Variants in NOS2 observed in about 807,000 individuals in gnomAD.
NOS2 encodes nitric oxide synthase, inducible.
NOS2 carries 96 observed loss-of-function variants against 136.0 expected under a neutral mutation model. The ratio of observed to expected loss-of-function variants is 0.71; its 90% CI spans 0.60 to 0.84. The LOEUF (loss-of-function observed/expected upper bound fraction) is 0.84, where lower values mean the gene tolerates loss of function less well. Among genes scored for constraint, NOS2 ranks in the 40% least tolerant of loss-of-function variants. The pLI is 0.00. For missense variants in NOS2, 1,237 were observed against 1,496.9 expected (o/e 0.83, Z 2.87); for synonymous variants, 539 against 587.5 (o/e 0.92, Z 1.20).
rs938218310 is a variant in NOS2, at chr17:27,758,922, A to C, written c.3313T>G (p.Leu1105Val). 1.9e-6 allele frequency: 3 copies of C among 1,610,832 alleles called. No individual in the cohort carries two copies. The highest frequency in any genetic ancestry group is 2.5e-6 in the Non-Finnish European group (3 of 1,178,600). The change falls in exon 26 of 27, where the codon TTG (leucine) becomes GTG (valine). Residue 1105 changes from leucine (L) to valine (V), a missense_variant. Physicochemically the swap from Leu to Val is conservative, Grantham distance 32. Coordinates refer to ENST00000313735, the MANE Select transcript of NOS2 (RefSeq NM_000625.4). ...TAGTCCTCGACCTGCTCCTCATTCA[A>C]TTTCAGCTTGGCAGCCACCAGCTGC... ...LKQLVAAKLK[L>V]NEEQVEDYFF...
At chr17:27,774,568 G>T in intron 11 of NOS2, 117 bp from the exon 12 acceptor site, 1 of 640,354 alleles carries the variant, frequency 1.6e-6, no homozygotes. Context: ...TGTAACACGG[G>T]AGAGCAACTC....
intron 5 of NOS2, 81 bp downstream of exon 5, chr17:27,787,597 T>C (rs1178972240): frequency 2.8e-6 from 3 of 1,087,500 alleles, no homozygotes; most frequent in African/African-American, 1.6e-5. Context: ...GGGATCTAGC[T>C]AGGATCAGAG....
Position 27,774,363 on chromosome 17 carries a change from C to A in NOS2, c.1370G>T (p.Cys457Phe). 1 of 1,583,648 alleles carries A rather than the reference C, an allele frequency of 6.3e-7. No individual in the cohort carries two copies. The highest frequency in any genetic ancestry group is 8.6e-7 in the Non-Finnish European group (1 of 1,164,946). Reference sequence around the variant, plus strand: ...GACCAGCCAAATCCAGTCTGCCGGGCAGCCCCCACGGGACCGGTATTCATT... The same window carrying A: ...GACCAGCCAAATCCAGTCTGCCGGGAAGCCCCCACGGGACCGGTATTCATT... ...MQNEYRSRGG[C>F]PADWIWLVPP... The change falls in exon 12 of 27, where the codon TGC becomes TTC. Residue 457 changes from cysteine (C) to phenylalanine (F), a missense_variant. Cys to Phe is a radical substitution (Grantham distance 205). Transcript: ENST00000313735.
At chr17:27,785,956 TCAAAAAA>T (rs1909008025) in intron 5 of NOS2, among the ~76,000 whole-genome samples, 1 of 47,702 alleles carries the variant, frequency 2.1e-5, no homozygotes, top group Non-Finnish European at 3.4e-5. Context: ...AGACCGAGTC[TCAAAAAA>T]AAAAAAAAAA....
chr17:27,766,228 C>A (rs1908296872), intron 19 of NOS2, among the ~76,000 whole-genome samples: 1 of 152,214 alleles, frequency 6.6e-6, no homozygotes, highest in Non-Finnish European at 1.5e-5. Context: ...TTAAGTCTCT[C>A]TTGCACTCTC....
At chr17:27,774,092 T>C (rs1421725406) in intron 12 of NOS2, among the ~76,000 whole-genome samples, 165 bp downstream of exon 12, 1 of 152,116 alleles carries the variant, frequency 6.6e-6, no homozygotes, top group Non-Finnish European at 1.5e-5. Context: ...TCCGTGGAAA[T>C]GCACAAAGGC....
chr17:27,772,213 C>CT (rs1174209557), intron 14 of NOS2, 95 bp downstream of exon 14: 29 of 1,389,564 alleles, frequency 2.1e-5, no homozygotes, highest in Non-Finnish European at 2.9e-5. Context: ...ATCCAAGACT[C>CT]TGAGACATCC....
chr17:27,782,191 A>T, intron 6 of NOS2, 85 bp from the exon 7 acceptor site: 5 of 1,191,866 alleles, frequency 4.2e-6, no homozygotes, highest in Non-Finnish European at 6.1e-6. Context: ...GGGAATCAAT[A>T]GTGCAGCCGA....
At chr17:27,769,215 G>A in intron 16 of NOS2, 64 bp from the exon 17 acceptor site, 1 of 1,479,274 alleles carries the variant, frequency 6.8e-7, no homozygotes, top group South Asian at 1.3e-5. Flanking sequence ...CCAGCACCCA[G>A]CACCAACAGC....
Position 27,771,035 on chromosome 17 carries a change from G to A in NOS2, c.1705-18C>T. The A allele has an allele frequency of 6.3e-7, 1 of 1,596,262 alleles. No homozygotes were observed. Among genetic ancestry groups the A allele is most frequent in the Non-Finnish European group, 8.6e-7 (1 of 1,164,830 alleles). On this transcript the variant is annotated intron_variant, in intron 14 of 26. Coordinates refer to ENST00000313735, the MANE Select transcript of NOS2 (RefSeq NM_000625.4). ...CAGACAACCTGGATGGCACCCAAGT[G>A]GACATCAGCCCTCGGCTCCCAGTAG...
At chr17:27,791,170 A>T (rs1280097139) in intron 2 of NOS2, among the ~76,000 whole-genome samples, 1 of 152,266 alleles carries the variant, frequency 6.6e-6, no homozygotes, top group East Asian at 1.9e-4. Context: ...GGATGTAAGT[A>T]TGTATCAGAA....
chr17:27,762,896 G>C lies in NOS2; in HGVS notation c.2702C>G (p.Pro901Arg). 6.3e-7 allele frequency: 1 copy of C among 1,599,582 alleles called. No homozygotes were observed. The highest frequency in any genetic ancestry group is 8.5e-7 in the Non-Finnish European group (1 of 1,173,924). The change falls in exon 22 of 27, where the codon CCC becomes CGC. Residue 901 changes from proline (P) to arginine (R), a missense_variant. This residue lies in a region of NOS2 where 782 missense variants were observed against 909.9 expected (regional missense o/e 0.86). Transcript: ENST00000313735. Reference protein sequence around the residue: ...VSAGFLLSQLPILKPRFYSIS... With the variant: ...VSAGFLLSQLRILKPRFYSIS... ...GGAGTAGAACCTGGGCTTCAGAATG[G>C]GGAGCTGGGAAAGCAGGAAGCCAGC...
intron 23 of NOS2, 26 bp from the exon 24 acceptor site, chr17:27,760,770 C>A (rs201884621): frequency 1.9e-6 from 3 of 1,544,830 alleles, no homozygotes; most frequent in Non-Finnish European, 2.6e-6. Context: ...GAAGAGGGGG[C>A]CAGTCCTCAG....
chr17:27,780,708 G>A, intron 9 of NOS2, 59 bp downstream of exon 9: 3 of 1,612,628 alleles, frequency 1.9e-6, no homozygotes, highest in Non-Finnish European at 2.5e-6. Context: ...CCGCACTTAG[G>A]AAAGGAGAAG....
rs28998815 is a variant in NOS2, at chr17:27,794,949, T to C, written c.110+3751A>G. On this transcript the variant is annotated intron_variant, in intron 2 of 26. Coordinates refer to ENST00000313735, the MANE Select transcript of NOS2 (RefSeq NM_000625.4). ...TAACATCACCCCTCCCTCACCTGAG[T>C]GGATGTTGCACTCTGGGTGGACCCA... Among the ~76,000 whole-genome samples, 1,377 of 152,146 alleles carry C rather than the reference T, an allele frequency of 9.1e-3. 17 individuals are homozygous for C. Among genetic ancestry groups the C allele is most frequent in the African/African-American group, 0.031 (1,274 of 41,476 alleles).
rs1908112173 is a variant in NOS2, at chr17:27,761,127, G to GT, written c.2888+16dup. On this transcript the variant is annotated intron_variant, in intron 23 of 26. Transcript: ENST00000313735. The stretch of plus-strand genomic sequence containing the variant: ...GGTCGGCGGCCCCACAGGGGACAGA[G>GT]TGGAAGGGGTGCTTACTTCCGCACA... 2.5e-6 allele frequency: 4 copies of GT among 1,570,210 alleles called. No individual in the cohort carries two copies. The highest frequency in any genetic ancestry group is 3.5e-6 in the Non-Finnish European group (4 of 1,157,952).
At position 27,781,176 on chromosome 17, in the gene NOS2, AC is replaced by A. The variant is rs750705746; in HGVS notation, c.723del (p.Arg241SerfsTer104). 1.2e-6 allele frequency: 2 copies of A among 1,605,468 alleles called. No homozygotes were observed. The highest frequency in any genetic ancestry group is 3.3e-5 in the Admixed American group (2 of 59,950). The part of the protein sequence containing the change: ...VRYSTNNGNI[R>X]SAITVFPQRS... ...CGCTGGGGGAACACGGTGATGGCCG[AC>A]CTTCCCAGGACAGGAACAGTACTGT... is the stretch of plus-strand genomic sequence containing the variant. On this transcript the variant is annotated frameshift_variant and splice_region_variant, in exon 8 of 27. Coordinates refer to ENST00000313735, the MANE Select transcript of NOS2 (RefSeq NM_000625.4). LOFTEE classifies it high-confidence loss of function.
intron 19 of NOS2, 123 bp from the exon 20 acceptor site, chr17:27,765,839 T>G (rs1899809885): frequency 9.2e-7 from 1 of 1,082,872 alleles, no homozygotes. Flanking sequence ...TTCCACAAGC[T>G]AGGCCACCAC....
At chr17:27,769,608 G>C (rs1202329173) in intron 15 of NOS2, 24 bp from the exon 16 acceptor site, 1 of 1,597,648 alleles carries the variant, frequency 6.3e-7, no homozygotes, top group African/African-American at 1.3e-5. Flanking sequence ...GAATGACAGA[G>C]TTCTCAAGCC....
Sources: allele counts gnomAD v4.1 joint callset (sites outside exome capture counted in the v4.1 genomes callset), GRCh38; gene constraint gnomAD v4.1.1; regional missense constraint gnomAD v4.1.1; transcripts MANE v1.5; gene names NCBI Gene and HGNC (gene_info 2026-07-23, HGNC 2026-07-21).